The following GLIS3 variants were observed in gnomAD, a reference collection of about 807,000 sequenced individuals.
GLIS3 encodes zinc finger protein GLIS3.
A neutral mutation model predicts 78.6 loss-of-function variants in GLIS3; 53 were observed. The observed-to-expected ratio is 0.67, with a 90% CI of 0.54 to 0.85. GLIS3 has a LOEUF of 0.85. GLIS3 is among the 40% of genes least tolerant of loss of function. The probability of loss-of-function intolerance (pLI) is 0.00; values close to 1 mark genes in which losing one functional copy is unlikely to be tolerated. For missense variants in GLIS3, 1,703 were observed against 1,231.1 expected (o/e 1.38, Z -5.74); for synonymous variants, 684 against 509.9 (o/e 1.34, Z -4.60).
intron 8 of GLIS3, 43 bp from the exon 9 acceptor site, chr9:3,856,227 A>G: frequency 6.4e-7 from 1 of 1,568,056 alleles, no homozygotes; most frequent in Non-Finnish European, 8.7e-7. Context: ...GACATAAAAC[A>G]GCAGGAACAA....
At chr9:4,439,249 A>T in the GLIS3 span, among the ~76,000 whole-genome samples, 1 of 152,152 alleles carries the variant, frequency 6.6e-6, no homozygotes, top group African/African-American at 2.4e-5. Flanking sequence ...TAAAATGTTT[A>T]TTGAGATATA....
the GLIS3 span, among the ~76,000 whole-genome samples, chr9:4,414,855 G>C: frequency 6.6e-6 from 1 of 151,844 alleles, no homozygotes; most frequent in East Asian, 1.9e-4. Flanking sequence ...TCTTCACCGA[G>C]AATCCTGTTA....
the GLIS3 span, among the ~76,000 whole-genome samples, chr9:4,373,729 C>G: frequency 1.1e-4 from 16 of 150,230 alleles, 1 homozygote; most frequent in African/African-American, 3.7e-4. Context: ...AGTGCAATGG[C>G]ACGATCTCGG....
At chr9:4,204,908 C>T (rs1184132766) in intron 2 of GLIS3, among the ~76,000 whole-genome samples, 26 of 134,574 alleles carry the variant, frequency 1.9e-4, no homozygotes, top group Non-Finnish European at 1.3e-4. Context: ...AGCAAAGCTC[C>T]ATCTCAAAAA....
intron 4 of GLIS3, among the ~76,000 whole-genome samples, chr9:4,013,963 G>C (rs1170604283): frequency 6.6e-6 from 1 of 152,162 alleles, no homozygotes; most frequent in Non-Finnish European, 1.5e-5. Context: ...AAAGACAGGG[G>C]AGTGCCTTTT....
chr9:3,838,525 G>T (rs1467475985), intron 9 of GLIS3, among the ~76,000 whole-genome samples: 1 of 152,150 alleles, frequency 6.6e-6, no homozygotes. Flanking sequence ...GCATGGGAAA[G>T]CAGATGACAA....
At chr9:3,978,301 A>G (rs1345489930) in intron 4 of GLIS3, among the ~76,000 whole-genome samples, 2 of 152,160 alleles carry the variant, frequency 1.3e-5, no homozygotes, top group Non-Finnish European at 2.9e-5. Context: ...CATTGGCTGA[A>G]TAAATATTAC....
chr9:3,993,840 T>G (rs908002605), intron 4 of GLIS3, among the ~76,000 whole-genome samples: 1 of 152,042 alleles, frequency 6.6e-6, no homozygotes, highest in Non-Finnish European at 1.5e-5. Context: ...AAATTGTCAT[T>G]TTTTTTCTGT....
chr9:3,859,480 A>T (rs775579314), intron 8 of GLIS3, among the ~76,000 whole-genome samples: 3 of 152,020 alleles, frequency 2.0e-5, no homozygotes, highest in Non-Finnish European at 2.9e-5. Context: ...AGGTAAATTA[A>T]ATTTTTTTGA....
chr9:4,329,146 AG>A (rs1817646469), intron 2 of GLIS3, among the ~76,000 whole-genome samples: 1 of 152,174 alleles, frequency 6.6e-6, no homozygotes. Flanking sequence ...GTGAGATCGA[AG>A]AATTTTCTAC....
chr9:3,852,311 G>T (rs1819484138), intron 9 of GLIS3, among the ~76,000 whole-genome samples: 1 of 152,096 alleles, frequency 6.6e-6, no homozygotes, highest in Middle Eastern at 3.2e-3. Flanking sequence ...TCTACCTACG[G>T]CAGGGAGTAT....
At chr9:3,926,029 T>C (rs1354208052) in intron 6 of GLIS3, among the ~76,000 whole-genome samples, 1 of 152,202 alleles carries the variant, frequency 6.6e-6, no homozygotes, top group Non-Finnish European at 1.5e-5. Flanking sequence ...ATGGGAGCAC[T>C]AAGCTATGCT....
At chr9:4,368,041 C>G in the GLIS3 span, among the ~76,000 whole-genome samples, 1 of 152,228 alleles carries the variant, frequency 6.6e-6, no homozygotes, top group Non-Finnish European at 1.5e-5. Flanking sequence ...GATGTTTCCT[C>G]TTAGGTAGCC....
chr9:4,167,061 G>C (rs1815921378), intron 2 of GLIS3, among the ~76,000 whole-genome samples: 1 of 151,812 alleles, frequency 6.6e-6, no homozygotes, highest in African/African-American at 2.4e-5. Flanking sequence ...TGGAGAATCA[G>C]AAGTAAAATC....
chr9:3,890,070 TCAGGAC>T (rs1822331512), intron 7 of GLIS3, among the ~76,000 whole-genome samples: 1 of 152,134 alleles, frequency 6.6e-6, no homozygotes, highest in Admixed American at 6.6e-5. Context: ...CAAAATGACA[TCAGGAC>T]CAGGGCTACA....
At chr9:4,407,712 G>A in the GLIS3 span, among the ~76,000 whole-genome samples, 13 of 152,146 alleles carry the variant, frequency 8.5e-5, no homozygotes, top group Non-Finnish European at 1.9e-4. Flanking sequence ...GTCTGGGCAA[G>A]AATTTATCGA....
chr9:4,175,890 T>C (rs907642178), intron 2 of GLIS3, among the ~76,000 whole-genome samples: 4 of 152,182 alleles, frequency 2.6e-5, no homozygotes, highest in Non-Finnish European at 4.4e-5. Flanking sequence ...AAACTGAGGC[T>C]AGAGGTTCCA....
intron 4 of GLIS3, among the ~76,000 whole-genome samples, chr9:4,308,029 C>T (rs1240879326): frequency 6.6e-6 from 1 of 152,186 alleles, no homozygotes; most frequent in Non-Finnish European, 1.5e-5. Context: ...CAGAACCAAA[C>T]ACTGCTGGCT....
At chr9:4,377,212 C>T in the GLIS3 span, among the ~76,000 whole-genome samples, 1 of 135,154 alleles carries the variant, frequency 7.4e-6, no homozygotes, top group African/African-American at 2.6e-5. Flanking sequence ...AAGACCCATC[C>T]TCGATGTGGG....
Sources: gnomAD v4.1 joint callset for allele counts (sites outside exome capture counted in the v4.1 genomes callset) on GRCh38, gnomAD v4.1.1 for gene constraint, MANE v1.5 for transcripts, NCBI Gene and HGNC (gene_info 2026-07-23, HGNC 2026-07-21) for gene names.